LPP: variants seen among roughly 807,000 people sequenced by gnomAD.
LPP encodes LIM domain containing preferred translocation partner in lipoma, also known as lipoma-preferred partner.
Under a neutral mutation model 60.4 loss-of-function variants are expected in LPP, and 38 were observed. That is an observed-to-expected ratio of 0.63 (90% CI 0.49 to 0.83). The LOEUF (loss-of-function observed/expected upper bound fraction) is 0.83, where lower values mean the gene tolerates loss of function less well. LPP is among the 40% of genes least tolerant of loss of function. The probability of loss-of-function intolerance (pLI) is 0.00; values close to 1 mark genes in which losing one functional copy is unlikely to be tolerated. For synonymous variants in LPP, 328 were observed against 290.8 expected (o/e 1.13, Z -1.30); for missense variants, 902 against 783.6 (o/e 1.15, Z -1.80).
intron 3 of LPP, among the ~76,000 whole-genome samples, chr3:188,392,387 G>T (rs2148698222): frequency 6.6e-6 from 1 of 152,162 alleles, no homozygotes; most frequent in South Asian, 2.1e-4. Context: ...ATGTCTGGGG[G>T]GAGTTCTGTC....
intron 6 of LPP, among the ~76,000 whole-genome samples, chr3:188,550,156 C>T (rs1314891271): frequency 6.6e-6 from 1 of 152,028 alleles, no homozygotes; most frequent in Admixed American, 6.6e-5. Flanking sequence ...ATTGGACATC[C>T]CCCATAAATT....
At chr3:188,535,055 A>C (rs1320223966) in intron 6 of LPP, among the ~76,000 whole-genome samples, 1 of 84,324 alleles carries the variant, frequency 1.2e-5, no homozygotes, top group Non-Finnish European at 3.1e-5. Context: ...GAAATATACA[A>C]AGTGAGCACG....
Position 188,875,324 on chromosome 3 carries a change from G to T in LPP, c.*845G>T, listed in dbSNP as rs1191335692. 1 of 218,874 alleles carries T rather than the reference G, an allele frequency of 4.6e-6. No homozygotes were observed. Among genetic ancestry groups the T allele is most frequent in the East Asian group, 6.8e-5 (1 of 14,724 alleles). The allele number at this position is 218,874 out of a possible 1,614,324, so 13.6% of individuals were successfully genotyped here. Reference sequence around the variant, plus strand: ...TGAACATTGTAATACAGACAAACTTGATTTCTTCTAGAAGATAACATTTTC... The same window carrying T: ...TGAACATTGTAATACAGACAAACTTTATTTCTTCTAGAAGATAACATTTTC... On this transcript the variant is annotated 3_prime_UTR_variant, in exon 12 of 12. Transcript: ENST00000617246.
chr3:188,362,743 G>A (rs1769873483), intron 3 of LPP, among the ~76,000 whole-genome samples: 1 of 152,182 alleles, frequency 6.6e-6, no homozygotes, highest in Non-Finnish European at 1.5e-5. Flanking sequence ...GGTCACTGCG[G>A]AAGAAAATAA....
chr3:188,370,079 C>A (rs1287367374), intron 3 of LPP, among the ~76,000 whole-genome samples: 1 of 152,124 alleles, frequency 6.6e-6, no homozygotes, highest in Non-Finnish European at 1.5e-5. Context: ...AGGTGCCTAC[C>A]ACCACACCCA....
chr3:188,196,482 C>A (rs750589682), intron 1 of LPP, among the ~76,000 whole-genome samples: 2 of 152,166 alleles, frequency 1.3e-5, no homozygotes, highest in African/African-American at 2.4e-5. Context: ...TGCCCACTTC[C>A]CTCCTCCCTC....
intron 7 of LPP, among the ~76,000 whole-genome samples, chr3:188,640,650 A>T (rs1257441299): frequency 6.6e-6 from 1 of 151,770 alleles, no homozygotes; most frequent in East Asian, 1.9e-4. Flanking sequence ...TTTACAATAG[A>T]AGTGATTTAT....
intron 1 of LPP, among the ~76,000 whole-genome samples, chr3:188,191,191 C>G (rs957546561): frequency 1.3e-5 from 2 of 152,224 alleles, no homozygotes; most frequent in African/African-American, 2.4e-5. Context: ...GATCGTGCCA[C>G]TGCACTCTAG....
At chr3:188,833,600 G>T (rs935580149) in intron 9 of LPP, among the ~76,000 whole-genome samples, 1 of 152,084 alleles carries the variant, frequency 6.6e-6, no homozygotes, top group African/African-American at 2.4e-5. Context: ...TTCTTGAAGG[G>T]CTGTTAGAGC....
intron 6 of LPP, among the ~76,000 whole-genome samples, chr3:188,527,417 G>T (rs141626364): frequency 6.7e-6 from 1 of 150,048 alleles, no homozygotes; most frequent in Non-Finnish European, 1.5e-5. Context: ...GTGTAGACAC[G>T]TTTAAATGCC....
chr3:188,624,528 T>A lies in LPP; in HGVS notation c.1113+14684T>A, dbSNP rs147759239. Among the ~76,000 whole-genome samples, 19 of 152,304 alleles carry A rather than the reference T, an allele frequency of 1.2e-4. No homozygotes were observed. The East Asian group carries it at 3.5e-3, about 28-fold the overall frequency. On this transcript the variant is annotated intron_variant, in intron 7 of 11. Coordinates refer to ENST00000617246, the MANE Select transcript of LPP (RefSeq NM_001375462.1). ...CAAGTGAGTGAGCCTAGTCCAAGTT[T>A]GTTTAGAAAGCCATATTTGGGAGAA...
intron 1 of LPP, among the ~76,000 whole-genome samples, chr3:188,185,493 C>G (rs1170230709): frequency 1.3e-5 from 2 of 151,916 alleles, no homozygotes; most frequent in African/African-American, 2.4e-5. Flanking sequence ...GTGGATAACT[C>G]TCTTTTCCCC....
At chr3:188,500,308 T>C (rs1811452764) in intron 5 of LPP, among the ~76,000 whole-genome samples, 1 of 152,178 alleles carries the variant, frequency 6.6e-6, no homozygotes, top group Admixed American at 6.5e-5. Context: ...TATGAAAGGA[T>C]ATTGAATTTT....
At chr3:188,373,160 T>G (rs979486972) in intron 3 of LPP, among the ~76,000 whole-genome samples, 16 of 152,202 alleles carry the variant, frequency 1.1e-4, no homozygotes, top group African/African-American at 3.4e-4. Context: ...AGTGCCGCTA[T>G]AAACATACGT....
intron 3 of LPP, among the ~76,000 whole-genome samples, chr3:188,386,060 T>G (rs1038631944): frequency 6.6e-6 from 1 of 152,206 alleles, no homozygotes; most frequent in African/African-American, 2.4e-5. Context: ...ATGAAGAATT[T>G]ATTCTTTTTT....
intron 3 of LPP, among the ~76,000 whole-genome samples, chr3:188,371,715 C>T (rs142611004): frequency 0.012 from 1,478 of 124,228 alleles, 25 homozygotes; most frequent in African/African-American, 0.042. Flanking sequence ...AGTGCAGTGG[C>T]GCGATCTCAA....
chr3:188,607,398 T>A (rs1286847264), intron 6 of LPP, among the ~76,000 whole-genome samples: 1 of 67,522 alleles, frequency 1.5e-5, no homozygotes, highest in Non-Finnish European at 3.8e-5. Context: ...TATATATATA[T>A]ATATATATAT....
At chr3:188,821,439 A>T (rs374355081) in intron 9 of LPP, among the ~76,000 whole-genome samples, 3 of 150,950 alleles carry the variant, frequency 2.0e-5, no homozygotes, top group South Asian at 4.2e-4. Context: ...CTTTATTATG[A>T]TGTTCATCAT....
chr3:188,793,257 C>A (rs767241254), intron 9 of LPP, among the ~76,000 whole-genome samples: 8 of 151,744 alleles, frequency 5.3e-5, no homozygotes, highest in Non-Finnish European at 1.2e-4. Flanking sequence ...ATCTCTGTTC[C>A]CGCAACCTAT....
Sources: allele counts gnomAD v4.1 joint callset (sites outside exome capture counted in the v4.1 genomes callset), GRCh38; gene constraint gnomAD v4.1.1; transcripts MANE v1.5; gene names NCBI Gene and HGNC (gene_info 2026-07-23, HGNC 2026-07-21).